Variants in PDE10A observed in about 807,000 individuals in gnomAD.
PDE10A encodes cAMP and cAMP-inhibited cGMP 3',5'-cyclic phosphodiesterase 10A.
In PDE10A, 39 loss-of-function variants were observed where a neutral mutation model predicts 97.7. That is an observed-to-expected ratio of 0.40 (90% CI 0.31 to 0.52). The LOEUF is 0.52. Among genes scored for constraint, PDE10A ranks in the 20% least tolerant of loss-of-function variants. The pLI is 0.56. For synonymous variants in PDE10A, 371 were observed against 376.8 expected (o/e 0.98, Z 0.18); for missense variants, 731 against 1,047.8 (o/e 0.70, Z 4.17).
intron 1 of PDE10A, among the ~76,000 whole-genome samples, chr6:165,914,029 A>T (rs562431975): frequency 6.6e-6 from 1 of 152,362 alleles, no homozygotes; most frequent in Non-Finnish European, 1.5e-5. Flanking sequence ...CTTAAGTGTC[A>T]CCAATTATTT....
chr6:165,797,102 A>T (rs1481906985), intron 1 of PDE10A, among the ~76,000 whole-genome samples: 1 of 152,202 alleles, frequency 6.6e-6, no homozygotes, highest in Non-Finnish European at 1.5e-5. Flanking sequence ...GGTGCAAGTG[A>T]CCCTTGGTTT....
At chr6:165,866,371 C>A (rs2128477591) in intron 1 of PDE10A, among the ~76,000 whole-genome samples, 1 of 125,504 alleles carries the variant, frequency 8.0e-6, no homozygotes, top group South Asian at 2.8e-4. Flanking sequence ...TGTCCTGAAT[C>A]ACTAGGATTT....
At chr6:165,687,946 A>G (rs1791167029) in intron 1 of PDE10A, among the ~76,000 whole-genome samples, 1 of 152,228 alleles carries the variant, frequency 6.6e-6, no homozygotes, top group African/African-American at 2.4e-5. Flanking sequence ...CACAGTGGTC[A>G]GTGGCAAAGT....
chr6:165,871,940 C>T (rs1408430062), intron 1 of PDE10A, among the ~76,000 whole-genome samples: 1 of 152,204 alleles, frequency 6.6e-6, no homozygotes, highest in Non-Finnish European at 1.5e-5. Context: ...GACAGACTGA[C>T]TCAGTGAAGC....
Position 165,428,677 on chromosome 6 carries a change from G to T in PDE10A, c.1634C>A (p.Ser545Tyr). The T allele has an allele frequency of 1.5e-6, 2 of 1,361,064 alleles. No individual in the cohort carries two copies. Among genetic ancestry groups the T allele is most frequent in the African/African-American group, 1.4e-5 (1 of 69,098 alleles). The allele number at this position is 1,361,064 out of a possible 1,614,324, so 84.3% of individuals were successfully genotyped here. The stretch of plus-strand genomic sequence containing the variant: ...ACCTACCATTATGTGTTCAAGTAGA[G>T]AATCTATTGCAACTATGTTATCAAA... ...TYFDNIVAID[S>Y]LLEHIMIYAK... is the part of the protein sequence containing the mutation. Residue 545 changes from serine (S) to tyrosine (Y), a missense_variant, in exon 10 of 22, where the codon TCT becomes TAT. Physicochemically the swap from Ser to Tyr is moderately radical, Grantham distance 144. This residue lies in a region of PDE10A where 108 missense variants were observed against 199.8 expected (regional missense o/e 0.54). Transcript: ENST00000539869.
chr6:165,621,185 T>G (rs901689236), intron 1 of PDE10A, among the ~76,000 whole-genome samples: 5 of 151,974 alleles, frequency 3.3e-5, no homozygotes, highest in South Asian at 4.1e-4. Context: ...AAAATTACAC[T>G]GTAAAATGAT....
At chr6:165,850,450 TATC>T (rs1426357361) in intron 1 of PDE10A, among the ~76,000 whole-genome samples, 2 of 152,240 alleles carry the variant, frequency 1.3e-5, no homozygotes, top group Non-Finnish European at 2.9e-5. Flanking sequence ...AACGGTATTT[TATC>T]ATCAATAGCT....
chr6:165,613,532 G>A (rs555980144), intron 1 of PDE10A, among the ~76,000 whole-genome samples: 11 of 152,134 alleles, frequency 7.2e-5, no homozygotes, highest in African/African-American at 2.2e-4. Context: ...CCAGCTATTC[G>A]GGAAGCTAAG....
chr6:165,432,499 A>G (rs1789664648), intron 7 of PDE10A, among the ~76,000 whole-genome samples: 10 of 152,162 alleles, frequency 6.6e-5, no homozygotes, highest in Admixed American at 6.5e-4. Flanking sequence ...CCACTGAAGG[A>G]AACTGGTTTA....
chr6:165,673,091 CATA>C (rs35896730), intron 1 of PDE10A, among the ~76,000 whole-genome samples: 71,377 of 151,796 alleles, frequency 0.47, 17,368 homozygotes, highest in East Asian at 0.74. Flanking sequence ...TCAGACCTGT[CATA>C]TCTAGGTGAA....
At chr6:165,817,560 A>T (rs1035138863) in intron 1 of PDE10A, among the ~76,000 whole-genome samples, 1 of 152,086 alleles carries the variant, frequency 6.6e-6, no homozygotes, top group Non-Finnish European at 1.5e-5. Context: ...GTGTCTTGAC[A>T]TGTTTCTACA....
At chr6:165,759,353 CTGAATCTCTCAG>C (rs1793198754) in intron 1 of PDE10A, among the ~76,000 whole-genome samples, 1 of 152,186 alleles carries the variant, frequency 6.6e-6, no homozygotes, top group South Asian at 2.1e-4. Context: ...AGAGAACATT[CTGAATCTCTCAG>C]TGGAGCTCTC....
rs144151027 is a variant in PDE10A at position 165,567,323 on chromosome 6, A to C, written c.866-23755T>G. Among the ~76,000 whole-genome samples, 1,287 of 152,320 alleles carry C rather than the reference A, an allele frequency of 8.4e-3. 21 individuals are homozygous for C. The highest frequency in any genetic ancestry group is 0.03 in the African/African-American group (1,229 of 41,572). On this transcript the variant is annotated intron_variant, in intron 1 of 21. Transcript: ENST00000539869. ...GGACACAAGAGGGGCTTTCAGTATT[A>C]TCTCTATTTTTCAATCAAGGAAGCT...
intron 2 of PDE10A, among the ~76,000 whole-genome samples, chr6:165,515,339 T>C (rs1258057603): frequency 6.6e-6 from 1 of 152,270 alleles, no homozygotes; most frequent in Non-Finnish European, 1.5e-5. Flanking sequence ...ATACCTATTG[T>C]AATCTCTGCA....
chr6:165,352,125 A>AT (rs1782733845), intron 18 of PDE10A, among the ~76,000 whole-genome samples: 1 of 152,234 alleles, frequency 6.6e-6, no homozygotes, highest in Admixed American at 6.5e-5. Flanking sequence ...AAGTGCTGGG[A>AT]TTACAGGCAT....
At chr6:165,465,280 T>C (rs531426283) in intron 3 of PDE10A, among the ~76,000 whole-genome samples, 1 of 152,296 alleles carries the variant, frequency 6.6e-6, no homozygotes, top group Admixed American at 6.5e-5. Context: ...GTGGAAAAGC[T>C]TGGGGGTAAC....
chr6:165,797,103 C>T (rs1330884016), intron 1 of PDE10A, among the ~76,000 whole-genome samples: 1 of 152,170 alleles, frequency 6.6e-6, no homozygotes, highest in African/African-American at 2.4e-5. Context: ...GTGCAAGTGA[C>T]CCTTGGTTTA....
At chr6:165,341,505 A>G (rs1218052314) in intron 19 of PDE10A, among the ~76,000 whole-genome samples, 1 of 152,196 alleles carries the variant, frequency 6.6e-6, no homozygotes, top group Non-Finnish European at 1.5e-5. Context: ...GTATGAGATA[A>G]AAAGATATTT....
intron 1 of PDE10A, among the ~76,000 whole-genome samples, chr6:165,577,334 T>C (rs1028312754): frequency 5.3e-5 from 8 of 152,270 alleles, no homozygotes; most frequent in African/African-American, 1.9e-4. Context: ...CTGGGGGACG[T>C]GGAGTGATCC....
Sources: gnomAD v4.1 joint callset for allele counts (sites outside exome capture counted in the v4.1 genomes callset) on GRCh38, gnomAD v4.1.1 for gene constraint, gnomAD v4.1.1 regional missense constraint, MANE v1.5 for transcripts, NCBI Gene and HGNC (gene_info 2026-07-23, HGNC 2026-07-21) for gene names.